Variants in TTLL1 observed in about 807,000 individuals in gnomAD.
TTLL1 encodes TTL family tubulin polyglutamylase complex subunit L1.
Under a neutral mutation model 47.8 loss-of-function variants are expected in TTLL1, and 33 were observed. That is an observed-to-expected ratio of 0.69 (90% CI 0.52 to 0.92). TTLL1 has a LOEUF of 0.92. Ranked by LOEUF, TTLL1 falls within the 40% of genes least tolerant of loss-of-function variation. The pLI, the probability that TTLL1 is intolerant of heterozygous loss-of-function variation, is 0.00. For synonymous variants in TTLL1, 225 were observed against 214.1 expected, an observed-to-expected ratio of 1.05 and a Z score of -0.45; for missense variants, 488 against 547.5, an observed-to-expected ratio of 0.89 and a Z score of 1.08.
intron 2 of TTLL1, among the ~76,000 whole-genome samples, 154 bp from the exon 3 acceptor site, chr22:43,075,744 T>C (rs371052336): frequency 6.6e-6 from 1 of 152,176 alleles, no homozygotes; most frequent in Admixed American, 6.5e-5. Flanking sequence ...AGGGGACACC[T>C]GGCAATGTCT....
intron 1 of TTLL1, among the ~76,000 whole-genome samples, chr22:43,081,855 T>A (rs1402908240): frequency 6.8e-6 from 1 of 146,448 alleles, no homozygotes; most frequent in East Asian, 2.0e-4. Context: ...CCTTTTTTTT[T>A]TTTTTTTTTT....
chr22:43,052,996 G>T (rs1354030467), intron 8 of TTLL1, among the ~76,000 whole-genome samples: 1 of 151,446 alleles, frequency 6.6e-6, no homozygotes. Flanking sequence ...GGAGGCGGAG[G>T]TTGCAGTAAG....
At chr22:43,084,300 G>A (rs1186147675) in intron 1 of TTLL1, among the ~76,000 whole-genome samples, 6 of 151,840 alleles carry the variant, frequency 4.0e-5, no homozygotes, top group Admixed American at 1.3e-4. Context: ...ACAGGCACCC[G>A]CCACGATGCC....
intron 8 of TTLL1, 64 bp downstream of exon 8, chr22:43,059,320 C>T: frequency 6.4e-7 from 1 of 1,552,452 alleles, no homozygotes; most frequent in South Asian, 1.2e-5. Flanking sequence ...AACAGAAAGA[C>T]AGCAAGCCCC....
In TTLL1 at chr22:43,055,436, A is replaced by T. The variant is rs550308021; in HGVS notation, c.892-3549T>A. Among the ~76,000 whole-genome samples the T allele has an allele frequency of 6.7e-4, 102 of 151,454 alleles. 1 individual carries two copies. Among genetic ancestry groups the T allele is most frequent in the African/African-American group, 2.3e-3 (93 of 41,182 alleles). On this transcript the variant is annotated intron_variant, in intron 8 of 10. Coordinates refer to ENST00000266254, the MANE Select transcript of TTLL1 (RefSeq NM_012263.5). ...AGCCTCCATCTTCCAGGCTCAAGTG[A>T]TTTTCCCAGGTCAGCCTGCCCAGTA...
intron 8 of TTLL1, chr22:43,052,124 G>C (rs575090431): frequency 1.9e-6 from 1 of 517,442 alleles, no homozygotes; most frequent in Non-Finnish European, 3.5e-6. Context: ...GCATCTCTGC[G>C]TCTCACTCAT....
chr22:43,072,803 G>C (rs1396627559), intron 3 of TTLL1, among the ~76,000 whole-genome samples: 1 of 151,900 alleles, frequency 6.6e-6, no homozygotes, highest in African/African-American at 2.4e-5. Flanking sequence ...TTTTGAGACA[G>C]GGTCTCAGTA....
intron 10 of TTLL1, among the ~76,000 whole-genome samples, chr22:43,041,845 A>G (rs1267819024): frequency 6.6e-6 from 1 of 152,112 alleles, no homozygotes; most frequent in Non-Finnish European, 1.5e-5. Flanking sequence ...TGTGAAGCAG[A>G]CACCACAGGG....
rs774571878 is a variant in TTLL1 at position 43,059,544 on chromosome 22, G to A, written c.748-17C>T. The A allele has an allele frequency of 1.5e-5, 24 of 1,607,506 alleles. No homozygotes were observed. The highest frequency in any genetic ancestry group is 4.0e-5 in the African/African-American group (3 of 74,724). ...GTAGTCCTCCTGGTGACGGGAAAGC[G>A]GGCAGGCATCCCTCAGGCTATGCAC... On this transcript the variant is annotated splice_polypyrimidine_tract_variant and intron_variant, in intron 7 of 10. Transcript: ENST00000266254.
chr22:43,074,969 C>A (rs1928386875), intron 3 of TTLL1, among the ~76,000 whole-genome samples: 1 of 152,080 alleles, frequency 6.6e-6, no homozygotes, highest in African/African-American at 2.4e-5. Context: ...AAGTTCAAGA[C>A]CAGCCCGGCC....
intron 8 of TTLL1, among the ~76,000 whole-genome samples, chr22:43,058,422 A>C (rs1927169643): frequency 6.6e-6 from 1 of 152,238 alleles, no homozygotes; most frequent in Admixed American, 6.5e-5. Context: ...TTCCAGCCCG[A>C]AATATCTATG....
At chr22:43,073,601 C>T (rs1387546845) in intron 3 of TTLL1, among the ~76,000 whole-genome samples, 1 of 151,950 alleles carries the variant, frequency 6.6e-6, no homozygotes, top group Non-Finnish European at 1.5e-5. Flanking sequence ...GGTGATGCAC[C>T]CGCCTTGGCC....
chr22:43,042,327 T>G (rs767853479), intron 10 of TTLL1, among the ~76,000 whole-genome samples: 5 of 152,206 alleles, frequency 3.3e-5, no homozygotes, highest in African/African-American at 9.6e-5. Context: ...GGCACCGGGA[T>G]GCGCTGTTCC....
intron 10 of TTLL1, among the ~76,000 whole-genome samples, chr22:43,044,756 A>G (rs541939609): frequency 7.8e-6 from 1 of 127,548 alleles, no homozygotes; most frequent in Admixed American, 7.6e-5. Flanking sequence ...ATGTACACAC[A>G]GGGGATTCTG....
rs12168984 is a variant in TTLL1, at chr22:43,084,526, G to C, written c.-89-4540C>G. Among the ~76,000 whole-genome samples the C allele has an allele frequency of 3.3e-3, 501 of 151,680 alleles. 5 individuals carry two copies. Among genetic ancestry groups the C allele is most frequent in the African/African-American group, 0.012 (481 of 41,344 alleles). ...AGGTTTCTTTTCTTTTTTTGAGATG[G>C]AGTCTTGCTCAATCGCCCAGGCTGG... is the stretch of plus-strand genomic sequence containing the variant. On this transcript the variant is annotated intron_variant, in intron 1 of 10. Transcript: ENST00000266254.
rs1245726887 is a variant in TTLL1, at chr22:43,047,758, C to T, written c.979-1185G>A. Among the ~76,000 whole-genome samples the T allele has an allele frequency of 5.9e-5, 9 of 152,192 alleles. No homozygotes were observed. The East Asian group carries it at 1.5e-3, about 26-fold the overall frequency. On this transcript the variant is annotated intron_variant, in intron 9 of 10. Transcript: ENST00000266254. ...TGCTGGGGTTACAGGCGTGAGCCAC[C>T]GTGCCCGGCCAGTCACTACTTATTT...
chr22:43,044,435 A>G (rs1925941335), intron 10 of TTLL1, among the ~76,000 whole-genome samples: 1 of 152,186 alleles, frequency 6.6e-6, no homozygotes, highest in Non-Finnish European at 1.5e-5. Flanking sequence ...GCAGCTAAGC[A>G]TGGGCTTCAG....
intron 10 of TTLL1, among the ~76,000 whole-genome samples, chr22:43,043,583 C>G (rs145210054): frequency 6.6e-6 from 1 of 152,190 alleles, no homozygotes; most frequent in East Asian, 1.9e-4. Context: ...GACTCACCCT[C>G]TGTGGGCTCC....
chr22:43,074,665 ACT>A (rs936063908), intron 3 of TTLL1, among the ~76,000 whole-genome samples: 2 of 151,878 alleles, frequency 1.3e-5, no homozygotes, highest in African/African-American at 4.8e-5. Context: ...ACATGGGAAG[ACT>A]CTGCCTCTGA....
Sources: gnomAD v4.1 joint callset for allele counts (sites outside exome capture counted in the v4.1 genomes callset) on GRCh38, gnomAD v4.1.1 for gene constraint, MANE v1.5 for transcripts, NCBI Gene and HGNC (gene_info 2026-07-23, HGNC 2026-07-21) for gene names.